Variants in PTBP3 observed in about 807,000 individuals in gnomAD.
PTBP3 encodes polypyrimidine tract-binding protein 3.
PTBP3 carries 20 observed loss-of-function variants against 58.7 expected under a neutral mutation model. The ratio of observed to expected loss-of-function variants is 0.34; its 90% CI spans 0.24 to 0.50. The LOEUF is 0.50. Among genes scored for constraint, PTBP3 ranks in the 20% least tolerant of loss-of-function variants. The pLI is 0.98. For synonymous variants in PTBP3, 185 were observed against 219.8 expected, an observed-to-expected ratio of 0.84 and a Z score of 1.40; for missense variants, 509 against 637.2, an observed-to-expected ratio of 0.80 and a Z score of 2.17.
the PTBP3 span, among the ~76,000 whole-genome samples, chr9:112,354,513 T>G: frequency 5.9e-5 from 9 of 152,198 alleles, no homozygotes; most frequent in African/African-American, 2.2e-4. Context: ...ACCACCCCCC[T>G]GGGGGTGGAG....
At chr9:112,308,647 AT>A (rs1829341391) in intron 1 of PTBP3, among the ~76,000 whole-genome samples, 1 of 152,130 alleles carries the variant, frequency 6.6e-6, no homozygotes, top group African/African-American at 2.4e-5. Context: ...GACCAAAAGA[AT>A]AAAAGACTGT....
chr9:112,320,315 T>TATATATATATATATATATATATA (rs60292377), intron 1 of PTBP3, among the ~76,000 whole-genome samples: 4 of 27,072 alleles, frequency 1.5e-4, no homozygotes, highest in South Asian at 1.1e-3. Context: ...TATATATATA[T>TATATATATATATATATATATATA]TTTTTTTTAA....
At chr9:112,378,331 A>G in the PTBP3 span, among the ~76,000 whole-genome samples, 1 of 152,270 alleles carries the variant, frequency 6.6e-6, no homozygotes, top group Non-Finnish European at 1.5e-5. Flanking sequence ...GTGTAAGTAC[A>G]GGTATTTAGG....
intron 4 of PTBP3, among the ~76,000 whole-genome samples, chr9:112,264,519 T>C (rs962392855): frequency 2.0e-5 from 3 of 152,214 alleles, no homozygotes; most frequent in Admixed American, 6.5e-5. Context: ...AAAGTGCATA[T>C]TTTGGGATAG....
At chr9:112,248,738 C>A (rs1235832992) in intron 7 of PTBP3, among the ~76,000 whole-genome samples, 1 of 152,126 alleles carries the variant, frequency 6.6e-6, no homozygotes, top group Non-Finnish European at 1.5e-5. Context: ...TGTAATGAAA[C>A]TGAAGAAATA....
chr9:112,319,707 G>A (rs1829843934), intron 1 of PTBP3, among the ~76,000 whole-genome samples: 1 of 114,300 alleles, frequency 8.7e-6, no homozygotes, highest in Admixed American at 8.6e-5. Context: ...TCAGTATGTT[G>A]AAAAGACATC....
At chr9:112,357,612 G>A in the PTBP3 span, among the ~76,000 whole-genome samples, 1 of 152,120 alleles carries the variant, frequency 6.6e-6, no homozygotes, top group Non-Finnish European at 1.5e-5. Context: ...GCTTCCCAAA[G>A]TGTTGGGATT....
chr9:112,263,755 T>C (rs757954292), intron 4 of PTBP3, among the ~76,000 whole-genome samples: 16 of 152,228 alleles, frequency 1.1e-4, no homozygotes, highest in Admixed American at 1.3e-4. Flanking sequence ...AACTTGCTGA[T>C]GTTGACTGTT....
At chr9:112,276,634 C>G (rs546644804) in intron 2 of PTBP3, among the ~76,000 whole-genome samples, 38 of 152,186 alleles carry the variant, frequency 2.5e-4, no homozygotes, top group Non-Finnish European at 4.9e-4. Flanking sequence ...TCCAACCCCA[C>G]CCAGACCTAC....
chr9:112,315,297 T>TA (rs879514503), intron 1 of PTBP3, among the ~76,000 whole-genome samples: 1,889 of 143,934 alleles, frequency 0.013, 33 homozygotes, highest in African/African-American at 0.044. Flanking sequence ...TAGTAAGCTT[T>TA]AAAAAAAAAA....
intron 11 of PTBP3, 128 bp from the exon 12 acceptor site, chr9:112,227,755 A>T: frequency 1.4e-6 from 1 of 725,778 alleles, no homozygotes; most frequent in Non-Finnish European, 2.2e-6. Context: ...GAGGGTGAAA[A>T]GGGTTTCAAA....
At position 112,219,305 on chromosome 9, in the gene PTBP3, C is replaced by G. The variant is rs1834726962; in HGVS notation, c.*4546G>C. 6.6e-6 allele frequency: 1 copy of G among 152,142 alleles called. No individual in the cohort carries two copies. The highest frequency in any genetic ancestry group is 2.4e-5 in the African/African-American group (1 of 41,282). The allele number at this position is 152,142 out of a possible 1,614,324, so 9.4% of individuals were successfully genotyped here. ...AACAACAGTAAGGGGGAAAAAAGGC[C>G]AGAGTATGATTTTTTTAATGGCATC... On this transcript the variant is annotated 3_prime_UTR_variant, in exon 14 of 14. Coordinates refer to ENST00000374257, the MANE Select transcript of PTBP3 (RefSeq NM_001163788.4).
intron 2 of PTBP3, among the ~76,000 whole-genome samples, chr9:112,295,601 T>TAAAAAAA (rs35276003): frequency 8.6e-5 from 8 of 92,492 alleles, no homozygotes; most frequent in Non-Finnish European, 1.0e-4. Context: ...GTTCTGTTGG[T>TAAAAAAA]AAAAAAAAAA....
At chr9:112,272,566 C>T (rs1827434796) in intron 3 of PTBP3, 1 of 152,080 alleles carries the variant, frequency 6.6e-6, no homozygotes, top group Admixed American at 6.5e-5. Context: ...ATCCATCTAT[C>T]CATCCATCCA....
the PTBP3 span, among the ~76,000 whole-genome samples, chr9:112,379,315 G>T: frequency 1.3e-5 from 2 of 152,168 alleles, no homozygotes; most frequent in African/African-American, 4.8e-5. Flanking sequence ...ACAGTTCCTC[G>T]TGTCTTCCTT....
intron 1 of PTBP3, among the ~76,000 whole-genome samples, chr9:112,304,589 C>A (rs775564122): frequency 1.3e-5 from 2 of 152,258 alleles, no homozygotes; most frequent in Non-Finnish European, 2.9e-5. Flanking sequence ...TTTTGTGAGA[C>A]AGAGTCTCGT....
chr9:112,371,598 T>C, the PTBP3 span, among the ~76,000 whole-genome samples: 1 of 152,044 alleles, frequency 6.6e-6, no homozygotes, highest in African/African-American at 2.4e-5. Context: ...ATAGATCGGT[T>C]CTGCTTCCAA....
At chr9:112,229,903 A>T (rs10733586) in intron 10 of PTBP3, among the ~76,000 whole-genome samples, 1 of 151,976 alleles carries the variant, frequency 6.6e-6, no homozygotes, top group Non-Finnish European at 1.5e-5. Flanking sequence ...TTGGTATGAA[A>T]CATGCTTTGG....
the PTBP3 span, among the ~76,000 whole-genome samples, chr9:112,344,858 G>A: frequency 1.3e-5 from 2 of 152,060 alleles, no homozygotes; most frequent in Non-Finnish European, 2.9e-5. Context: ...GGCTAGCCAG[G>A]CACGGTGGCT....
Sources: allele counts gnomAD v4.1 joint callset (sites outside exome capture counted in the v4.1 genomes callset), GRCh38; gene constraint gnomAD v4.1.1; transcripts MANE v1.5; gene names NCBI Gene and HGNC (gene_info 2026-07-23, HGNC 2026-07-21).